Variants in HS6ST3 observed in about 807,000 individuals in gnomAD.
HS6ST3 encodes the protein heparan-sulfate 6-O-sulfotransferase 3.
A neutral mutation model predicts 36.7 loss-of-function variants in HS6ST3; 12 were observed. The observed-to-expected ratio is 0.33, with a 90% CI of 0.21 to 0.53. The LOEUF (loss-of-function observed/expected upper bound fraction) is 0.53, where lower values mean the gene tolerates loss of function less well. Ranked by LOEUF, HS6ST3 falls within the 20% of genes least tolerant of loss-of-function variation. The pLI is 0.95. For missense variants in HS6ST3, 584 were observed against 640.9 expected (o/e 0.91, Z 0.96); for synonymous variants, 240 against 257.5 (o/e 0.93, Z 0.65).
At chr13:96,260,964 T>G (rs1251673842) in intron 1 of HS6ST3, among the ~76,000 whole-genome samples, 1 of 152,148 alleles carries the variant, frequency 6.6e-6, no homozygotes, top group Non-Finnish European at 1.5e-5. Context: ...GTTAAGTCTG[T>G]TTGCCTCTAA....
At chr13:96,196,285 A>T (rs1260087539) in intron 1 of HS6ST3, among the ~76,000 whole-genome samples, 1 of 152,062 alleles carries the variant, frequency 6.6e-6, no homozygotes, top group Non-Finnish European at 1.5e-5. Flanking sequence ...TTGTTGCTTC[A>T]GTTTCGTAGC....
intron 1 of HS6ST3, among the ~76,000 whole-genome samples, chr13:96,348,790 A>C (rs1405194024): frequency 6.6e-6 from 1 of 152,220 alleles, no homozygotes; most frequent in Non-Finnish European, 1.5e-5. Context: ...TTTCATCTGC[A>C]TCTCTTTAGT....
intron 1 of HS6ST3, among the ~76,000 whole-genome samples, chr13:96,375,475 A>G (rs2055310433): frequency 1.3e-5 from 2 of 152,172 alleles, no homozygotes; most frequent in Non-Finnish European, 2.9e-5. Flanking sequence ...ATACTCATTG[A>G]ATGAATGACT....
chr13:96,314,314 C>T (rs564803849), intron 1 of HS6ST3, among the ~76,000 whole-genome samples: 25 of 152,192 alleles, frequency 1.6e-4, no homozygotes, highest in South Asian at 8.3e-4. Context: ...TACTTAGTTT[C>T]GACAAAGATA....
intron 1 of HS6ST3, among the ~76,000 whole-genome samples, chr13:96,641,371 T>C (rs1160950030): frequency 7.9e-6 from 1 of 127,036 alleles, no homozygotes; most frequent in Non-Finnish European, 1.7e-5. Context: ...ATTTTTTAAA[T>C]ACTGATTTTT....
intron 1 of HS6ST3, among the ~76,000 whole-genome samples, chr13:96,189,076 A>G (rs954390854): frequency 2.0e-5 from 3 of 152,166 alleles, no homozygotes; most frequent in Non-Finnish European, 4.4e-5. Context: ...ATTTTTCTTC[A>G]TCTATAATTT....
chr13:96,418,149 A>G (rs1454417966), intron 1 of HS6ST3, among the ~76,000 whole-genome samples: 1 of 152,190 alleles, frequency 6.6e-6, no homozygotes, highest in Non-Finnish European at 1.5e-5. Flanking sequence ...GAAATCACCA[A>G]CAAAAGCACA....
At chr13:96,527,037 A>T (rs188974221) in intron 1 of HS6ST3, among the ~76,000 whole-genome samples, 81 of 152,166 alleles carry the variant, frequency 5.3e-4, no homozygotes, top group Admixed American at 3.9e-3. Context: ...ATTTCTTTTT[A>T]CTTTTGTAAT....
At chr13:96,287,699 A>G (rs2054810242) in intron 1 of HS6ST3, among the ~76,000 whole-genome samples, 2 of 152,160 alleles carry the variant, frequency 1.3e-5, no homozygotes, top group Admixed American at 6.6e-5. Flanking sequence ...AGTAATTGTC[A>G]TAAAATGGAA....
intron 1 of HS6ST3, among the ~76,000 whole-genome samples, chr13:96,137,110 C>T (rs1030906720): frequency 4.6e-5 from 7 of 152,098 alleles, no homozygotes; most frequent in African/African-American, 1.7e-4. Context: ...CTTGCAGCTA[C>T]TTCCTGGATG....
At chr13:96,394,235 G>A (rs1231398093) in intron 1 of HS6ST3, among the ~76,000 whole-genome samples, 1 of 151,988 alleles carries the variant, frequency 6.6e-6, no homozygotes, top group Non-Finnish European at 1.5e-5. Context: ...CTATGCCTGT[G>A]GCCCTTACTG....
intron 1 of HS6ST3, among the ~76,000 whole-genome samples, chr13:96,243,532 G>A (rs2139373752): frequency 6.6e-6 from 1 of 152,174 alleles, no homozygotes; most frequent in South Asian, 2.1e-4. Context: ...TGCTCTTTTT[G>A]GAACAACAAA....
chr13:96,382,391 T>C (rs1462107165), intron 1 of HS6ST3, among the ~76,000 whole-genome samples: 3 of 152,180 alleles, frequency 2.0e-5, no homozygotes, highest in Admixed American at 6.5e-5. Flanking sequence ...TTCATAAATA[T>C]GGAGTGTTAT....
chr13:96,531,791 A>T (rs1396039886), intron 1 of HS6ST3, among the ~76,000 whole-genome samples: 1 of 152,232 alleles, frequency 6.6e-6, no homozygotes, highest in Non-Finnish European at 1.5e-5. Flanking sequence ...CAAGTAGCTG[A>T]TATGTGCCAG....
At chr13:96,231,767 C>T (rs951440899) in intron 1 of HS6ST3, among the ~76,000 whole-genome samples, 5 of 152,100 alleles carry the variant, frequency 3.3e-5, no homozygotes, top group Admixed American at 6.6e-5. Flanking sequence ...TGTATATACT[C>T]GCTGTATTTA....
intron 1 of HS6ST3, among the ~76,000 whole-genome samples, chr13:96,263,678 A>C (rs1398122327): frequency 6.6e-6 from 1 of 152,246 alleles, no homozygotes; most frequent in Non-Finnish European, 1.5e-5. Context: ...GTATTTAATG[A>C]ATCACAAAAG....
intron 1 of HS6ST3, among the ~76,000 whole-genome samples, chr13:96,807,776 G>A (rs1878231147): frequency 6.6e-6 from 1 of 151,434 alleles, no homozygotes; most frequent in South Asian, 2.1e-4. Flanking sequence ...TGAGGCAGGA[G>A]AATGGTGGGA....
chr13:96,493,983 T>G (rs774226868), intron 1 of HS6ST3, among the ~76,000 whole-genome samples: 6 of 152,186 alleles, frequency 3.9e-5, no homozygotes, highest in Non-Finnish European at 8.8e-5. Flanking sequence ...GACTCAAACA[T>G]AATTCCTTAA....
chr13:96,192,210 C>T (rs1317464784), intron 1 of HS6ST3, among the ~76,000 whole-genome samples: 1 of 152,104 alleles, frequency 6.6e-6, no homozygotes, highest in Non-Finnish European at 1.5e-5. Flanking sequence ...AATATTATTA[C>T]TATTATTAGT....
Sources: allele counts gnomAD v4.1 joint callset (sites outside exome capture counted in the v4.1 genomes callset), GRCh38; gene constraint gnomAD v4.1.1; transcripts MANE v1.5; gene names NCBI Gene and HGNC (gene_info 2026-07-23, HGNC 2026-07-21).